The following ALDH1L1 variants were observed in gnomAD, a reference collection of about 807,000 sequenced individuals.
ALDH1L1 encodes the protein aldehyde dehydrogenase 1 family member L1, also known as cytosolic 10-formyltetrahydrofolate dehydrogenase.
Under a neutral mutation model 101.1 loss-of-function variants are expected in ALDH1L1, and 68 were observed. The ratio of observed to expected loss-of-function variants is 0.67; its 90% CI spans 0.55 to 0.82. The LOEUF (loss-of-function observed/expected upper bound fraction) is 0.82, where lower values mean the gene tolerates loss of function less well. Ranked by LOEUF, ALDH1L1 falls within the 40% of genes least tolerant of loss-of-function variation. ALDH1L1 has a pLI of 0.00. For synonymous variants in ALDH1L1, 486 were observed against 470.8 expected, an observed-to-expected ratio of 1.03 and a Z score of -0.42; for missense variants, 1,087 against 1,172.7, an observed-to-expected ratio of 0.93 and a Z score of 1.07.
Position 126,157,333 on chromosome 3 carries a change from A to G in ALDH1L1, c.528+10T>C, listed in dbSNP as rs759058049. 1.2e-5 allele frequency: 20 copies of G among 1,604,692 alleles called. No individual in the cohort carries two copies. Among genetic ancestry groups the G allele is most frequent in the Non-Finnish European group, 1.5e-5 (18 of 1,173,084 alleles). On this transcript the variant is annotated intron_variant, in intron 4 of 22. Coordinates refer to ENST00000393434, the MANE Select transcript of ALDH1L1 (RefSeq NM_012190.4). The stretch of plus-strand genomic sequence containing the variant: ...GGGCGGGCAGGGCGCGGCCGGCTCC[A>G]GGTCCTCACCATCCCTTTGATGCCT...
At chr3:126,115,261 G>T (rs1334239775) in intron 17 of ALDH1L1, 9 of 359,748 alleles carry the variant, frequency 2.5e-5, no homozygotes, top group Admixed American at 1.8e-4. Context: ...TCACATCAGT[G>T]GGCAAGAAAT....
chr3:126,122,215 C>CTGT (rs1355545038), intron 16 of ALDH1L1, among the ~76,000 whole-genome samples: 1 of 152,126 alleles, frequency 6.6e-6, no homozygotes, highest in Non-Finnish European at 1.5e-5. Context: ...AGGCAAGTGA[C>CTGT]TACAGACAGT....
rs1187988291 is a variant in ALDH1L1 at position 126,112,867 on chromosome 3, A to G, written c.2096T>C (p.Val699Ala). The change falls in exon 19 of 23, where the codon GTT becomes GCT. Residue 699 changes from valine to alanine, a missense_variant. By Grantham distance (64) the Val-to-Ala change is moderately conservative (BLOSUM62 0). Coordinates refer to ENST00000393434, the MANE Select transcript of ALDH1L1 (RefSeq NM_012190.4). ...GCAATTCTCTCCTTTGTTGAAGAAA[A>G]CAGAACTCATCCCCTTCAGAGAATG... ...NKAVQMGMSS[V>A]FFNKGENCIA... 6.2e-7 allele frequency: 1 copy of G among 1,613,400 alleles called. No homozygotes were observed. Among genetic ancestry groups the G allele is most frequent in the Non-Finnish European group, 8.5e-7 (1 of 1,180,004 alleles).
chr3:126,181,008 C>G, upstream of ALDH1L1: 2 of 1,605,628 alleles, frequency 1.2e-6, no homozygotes, highest in African/African-American at 2.7e-5. Flanking sequence ...ACGCTGCCCT[C>G]CGGGAATTTG....
At chr3:126,173,286 A>G (rs1275253110) in intron 1 of ALDH1L1, among the ~76,000 whole-genome samples, 1 of 152,216 alleles carries the variant, frequency 6.6e-6, no homozygotes, top group Non-Finnish European at 1.5e-5. Flanking sequence ...GAAATGAATG[A>G]TAGCAGTAAT....
Position 126,130,257 on chromosome 3 carries a change from G to T in ALDH1L1, c.1660C>A (p.Arg554Ser). The T allele has an allele frequency of 6.2e-7, 1 of 1,610,548 alleles. No individual in the cohort carries two copies. ...TCCTTCCTGGTCAAGGTCAGGTTGC[G>T]GTTGGGTCTGGCCTGGTTGATGGGG... ...TIPINQARPN[R>S]NLTLTRKEPV... is the part of the protein sequence containing the mutation. Residue 554 changes from arginine (R) to serine (S), a missense_variant, in exon 14 of 23, where the codon CGC becomes AGC. Physicochemically the swap from Arg to Ser is moderately radical, Grantham distance 110. This residue lies in a region of ALDH1L1 where 442 missense variants were observed against 535.7 expected (regional missense o/e 0.83). Coordinates refer to ENST00000393434, the MANE Select transcript of ALDH1L1 (RefSeq NM_012190.4).
At position 126,133,519 on chromosome 3, in the gene ALDH1L1, T is replaced by C. The variant is rs191777605; in HGVS notation, c.1473-1985A>G. Among the ~76,000 whole-genome samples the C allele has an allele frequency of 1.3e-3, 192 of 152,360 alleles. 1 individual carries two copies. Among genetic ancestry groups the C allele is most frequent in the Non-Finnish European group, 2.1e-3 (145 of 68,038 alleles). On this transcript the variant is annotated intron_variant, in intron 12 of 22. Coordinates refer to ENST00000393434, the MANE Select transcript of ALDH1L1 (RefSeq NM_012190.4). ...TAGATAATTCCACCTGTGTGTGACA[T>C]GGCTGTGTCATCAATCCAGTTCCCA...
upstream of ALDH1L1, among the ~76,000 whole-genome samples, chr3:126,181,863 C>A (rs2081477941): frequency 6.6e-6 from 1 of 152,232 alleles, no homozygotes; most frequent in Non-Finnish European, 1.5e-5. Context: ...CCTGTGCCTG[C>A]TGATCCACTT....
intron 1 of ALDH1L1, among the ~76,000 whole-genome samples, chr3:126,166,465 G>A (rs1436312320): frequency 6.6e-6 from 1 of 152,134 alleles, no homozygotes; most frequent in African/African-American, 2.4e-5. Flanking sequence ...ATCCAAGAAA[G>A]TATATTCAAA....
chr3:126,117,866 T>C lies in ALDH1L1; in HGVS notation c.1982+139A>G. On this transcript the variant is annotated intron_variant, in intron 17 of 22. Coordinates refer to ENST00000393434, the MANE Select transcript of ALDH1L1 (RefSeq NM_012190.4). Reference sequence around the variant, plus strand: ...AGAAAGGCAGATGCCTCTTCAGCGTTTGCATAGAGCCCAGCAGGGCCACGG... The same window carrying C: ...AGAAAGGCAGATGCCTCTTCAGCGTCTGCATAGAGCCCAGCAGGGCCACGG... 5 of 834,946 alleles carry C rather than the reference T, an allele frequency of 6.0e-6. No homozygotes were observed. The Admixed American group carries it at 6.9e-5, about 12-fold the overall frequency. 51.7% of individuals were successfully genotyped at this position (834,946 alleles called of 1,614,324 possible).
At chr3:126,109,557 G>A (rs1946007157) in intron 20 of ALDH1L1, among the ~76,000 whole-genome samples, 1 of 152,166 alleles carries the variant, frequency 6.6e-6, no homozygotes, top group South Asian at 2.1e-4. Context: ...CCAAGCTAAG[G>A]ATAGGCAGGG....
At chr3:126,113,026 AG>A (rs1348468853) in intron 18 of ALDH1L1, 146 bp from the exon 19 acceptor site, 1 of 672,716 alleles carries the variant, frequency 1.5e-6, no homozygotes, top group African/African-American at 1.8e-5. Flanking sequence ...CTCAATCCTC[AG>A]TCACCTCAAG....
At chr3:126,135,802 C>T (rs2080428383) in intron 11 of ALDH1L1, 140 bp from the exon 12 acceptor site, 2 of 1,081,664 alleles carry the variant, frequency 1.8e-6, no homozygotes, top group Admixed American at 6.6e-5. Flanking sequence ...AGAAGCATGG[C>T]CAAAGGACAA....
intron 12 of ALDH1L1, 48 bp from the exon 13 acceptor site, chr3:126,131,582 C>T: frequency 6.4e-7 from 1 of 1,566,326 alleles, no homozygotes. Context: ...CCTGGCACGG[C>T]CTCATCTGCC....
upstream of ALDH1L1, among the ~76,000 whole-genome samples, chr3:126,181,836 A>T (rs2081477626): frequency 6.6e-6 from 1 of 152,232 alleles, no homozygotes; most frequent in Non-Finnish European, 1.5e-5. Flanking sequence ...CAGTATGGGC[A>T]CCCAGGATTG....
rs779198668 is a variant in ALDH1L1 at position 126,154,641 on chromosome 3, G to C, written c.633C>G (p.Ile211Met). Residue 211 changes from isoleucine (I) to methionine (M), a missense_variant and splice_region_variant, in exon 6 of 23, where the codon ATC (isoleucine) becomes ATG (methionine). Around this residue, in one of 2 missense-constraint regions of ALDH1L1, gnomAD observed 645 missense variants for 637.0 expected, o/e 1.01. Transcript: ENST00000393434. ...TGGCCTCTGCCGGCTGGTCCCAGTT[G>C]ATCTGTGGGGAGCAAGGTGTGTGTG... is the stretch of plus-strand genomic sequence containing the variant. The part of the protein sequence containing the change: ...EGIQKKETAK[I>M]NWDQPAEAIH... 3 of 1,613,932 alleles carry C rather than the reference G, an allele frequency of 1.9e-6. No homozygotes were observed. The highest frequency in any genetic ancestry group is 1.3e-5 in the African/African-American group (1 of 74,928).
rs1373954959 is a variant in ALDH1L1 at position 126,150,439 on chromosome 3, T to C, written c.951A>G (p.Thr317=). 1 of 1,551,628 alleles carries C rather than the reference T, an allele frequency of 6.4e-7. No individual in the cohort carries two copies. The highest frequency in any genetic ancestry group is 2.4e-5 in the East Asian group (1 of 40,920). The change falls in exon 8 of 23, where the codon ACA becomes ACG. Residue 317 remains threonine (T), a synonymous_variant. Transcript: ENST00000393434. Reference sequence around the variant, plus strand: ...CCTCCGCAGTAACCAGCTCTGCCTCTGTCAGCTCAAGGACACTGCTGGCTG... The same window carrying C: ...CCTCCGCAGTAACCAGCTCTGCCTCCGTCAGCTCAAGGACACTGCTGGCTG... ...KGAASSVLEL[T]EAELVTAEAV...
Position 126,158,404 on chromosome 3 carries a change from C to T in ALDH1L1, c.362+1G>A. ...CCCCCTGTGTTTTTGCCCCATCTCA[C>T]CAGTTGATGGCCGAGGCCCCTCGGT... On this transcript the variant is annotated splice_donor_variant, in intron 3 of 22. Coordinates refer to ENST00000393434, the MANE Select transcript of ALDH1L1 (RefSeq NM_012190.4). LOFTEE classifies it high-confidence loss of function. The T allele has an allele frequency of 5.1e-6, 8 of 1,582,198 alleles. No homozygotes were observed. The highest frequency in any genetic ancestry group is 1.8e-5 in the Admixed American group (1 of 56,346).
chr3:126,132,840 G>A (rs1369231031), intron 12 of ALDH1L1, among the ~76,000 whole-genome samples: 3 of 152,204 alleles, frequency 2.0e-5, no homozygotes, highest in Admixed American at 2.0e-4. Flanking sequence ...GAGGCAGGGC[G>A]CTGTCTGGTT....
Sources: gnomAD v4.1 joint callset for allele counts (sites outside exome capture counted in the v4.1 genomes callset) on GRCh38, gnomAD v4.1.1 for gene constraint, gnomAD v4.1.1 regional missense constraint, MANE v1.5 for transcripts, NCBI Gene and HGNC (gene_info 2026-07-23, HGNC 2026-07-21) for gene names.